Variants in GSTA2 observed in about 807,000 individuals in gnomAD.
GSTA2 encodes the protein glutathione S-transferase alpha 2.
A neutral mutation model predicts 22.4 loss-of-function variants in GSTA2; 27 were observed. The observed-to-expected ratio is 1.21, with a 90% CI of 0.89 to 1.67. The LOEUF (loss-of-function observed/expected upper bound fraction) is 1.67, where lower values mean the gene tolerates loss of function less well. Among genes scored for constraint, GSTA2 ranks in the 40% most tolerant of loss-of-function variants. The pLI is 0.00. For missense variants in GSTA2, 302 were observed against 260.2 expected, an observed-to-expected ratio of 1.16 and a Z score of -1.11; for synonymous variants, 121 against 86.8, an observed-to-expected ratio of 1.39 and a Z score of -2.19.
chr6:52,756,870 G>A (rs1243023611), intron 2 of GSTA2, among the ~76,000 whole-genome samples: 1 of 152,218 alleles, frequency 6.6e-6, no homozygotes, highest in African/African-American at 2.4e-5. Context: ...AGACACAATA[G>A]GGTAAAATTC....
At chr6:52,761,503 A>G (rs1762949458) in intron 1 of GSTA2, among the ~76,000 whole-genome samples, 1 of 151,002 alleles carries the variant, frequency 6.6e-6, no homozygotes, top group Non-Finnish European at 1.5e-5. Flanking sequence ...ATTTTATATG[A>G]ATCCAGACTT....
Position 52,751,611 on chromosome 6 carries a change from T to C in GSTA2, c.512A>G (p.Asp171Gly). The C allele has an allele frequency of 1.2e-6, 2 of 1,613,802 alleles. No individual in the cohort carries two copies. The highest frequency in any genetic ancestry group is 2.2e-5 in the South Asian group (2 of 91,066). The part of the protein sequence containing the change: ...VELLYYVEEL[D>G]SSLISSFPLL... ...AGGGAAGCTGGAAATAAGGCTAGAGTCAAGCTCTTCCACGTAGTAGAGAAG... is the reference window on the plus strand; with the variant it reads ...AGGGAAGCTGGAAATAAGGCTAGAGCCAAGCTCTTCCACGTAGTAGAGAAG... The change falls in exon 6 of 7, where the codon GAC becomes GGC. Residue 171 changes from aspartate (D) to glycine (G), a missense_variant. Transcript: ENST00000493422.
chr6:52,761,603 C>T lies in GSTA2; in HGVS notation c.-31+1841G>A, dbSNP rs191796831. ...GAGGTCAATGATATTCACTAATCAGCCCACCTGGATTAACAGGAAGTTTTC... is the reference window on the plus strand; with the variant it reads ...GAGGTCAATGATATTCACTAATCAGTCCACCTGGATTAACAGGAAGTTTTC... On this transcript the variant is annotated intron_variant, in intron 1 of 6. Transcript: ENST00000493422. 1.4e-3 allele frequency among the ~76,000 whole-genome samples: 204 copies of T among 150,580 alleles called. 1 individual carries two copies. Among genetic ancestry groups the T allele is most frequent in the Non-Finnish European group, 2.4e-3 (165 of 67,992 alleles).
chr6:52,751,953 A>G (rs1364520685), intron 5 of GSTA2, among the ~76,000 whole-genome samples: 2 of 152,194 alleles, frequency 1.3e-5, no homozygotes, highest in Non-Finnish European at 2.9e-5. Context: ...TGGCGTCTAC[A>G]CTACCCACCC....
intron 5 of GSTA2, 127 bp from the exon 6 acceptor site, chr6:52,751,835 C>T (rs72934249): frequency 0.056 from 75,363 of 1,338,322 alleles, 2,412 homozygotes; most frequent in African/African-American, 0.073. Flanking sequence ...GCAGAAATCC[C>T]GAGCTTTCTC....
intron 1 of GSTA2, among the ~76,000 whole-genome samples, 175 bp from the exon 2 acceptor site, chr6:52,758,152 G>A (rs1233839844): frequency 6.6e-6 from 1 of 152,108 alleles, no homozygotes. Context: ...CCCAGCAGTG[G>A]CCACCCTCAG....
intron 1 of GSTA2, among the ~76,000 whole-genome samples, chr6:52,762,471 A>C (rs777218398): frequency 2.0e-5 from 3 of 152,196 alleles, no homozygotes; most frequent in Admixed American, 6.5e-5. Context: ...ATGTTTATGT[A>C]TGTGCACATC....
chr6:52,761,694 G>C (rs1366559103), intron 1 of GSTA2, among the ~76,000 whole-genome samples: 2 of 150,496 alleles, frequency 1.3e-5, no homozygotes, highest in African/African-American at 4.8e-5. Context: ...AGGTCATGTA[G>C]TCCCATGGTT....
At chr6:52,751,196 C>T (rs1762729061) in intron 6 of GSTA2, among the ~76,000 whole-genome samples, 1 of 151,800 alleles carries the variant, frequency 6.6e-6, no homozygotes, top group Non-Finnish European at 1.5e-5. Flanking sequence ...GAGCCGGAGC[C>T]CAGGGAGGAA....
At chr6:52,751,489 C>G (rs1055140672) in intron 6 of GSTA2, 88 bp downstream of exon 6, 1 of 1,605,196 alleles carries the variant, frequency 6.2e-7, no homozygotes, top group Non-Finnish European at 8.5e-7. Context: ...AGGCTGGGGT[C>G]AAAACATGCT....
intron 4 of GSTA2, among the ~76,000 whole-genome samples, chr6:52,754,202 A>G (rs1165196397): frequency 6.6e-6 from 1 of 152,196 alleles, no homozygotes; most frequent in African/African-American, 2.4e-5. Context: ...TGTAAAATAT[A>G]TAGTGTGGAT....
At chr6:52,762,056 A>G (rs1762960296) in intron 1 of GSTA2, among the ~76,000 whole-genome samples, 1 of 152,172 alleles carries the variant, frequency 6.6e-6, no homozygotes, top group Admixed American at 6.6e-5. Context: ...AAATGCCTGA[A>G]GGCAGTATGC....
chr6:52,754,347 A>G (rs893285836), intron 4 of GSTA2, among the ~76,000 whole-genome samples: 9 of 152,206 alleles, frequency 5.9e-5, no homozygotes, highest in African/African-American at 9.6e-5. Flanking sequence ...CATCACAACA[A>G]CAAGGAGACC....
chr6:52,751,502 G>C, intron 6 of GSTA2, 75 bp downstream of exon 6: 1 of 1,607,928 alleles, frequency 6.2e-7, no homozygotes, highest in Admixed American at 1.7e-5. Flanking sequence ...AACATGCTCA[G>C]TCCCAGGGCC....
chr6:52,759,499 A>G (rs1188728272), intron 1 of GSTA2, among the ~76,000 whole-genome samples: 2 of 146,702 alleles, frequency 1.4e-5, no homozygotes, highest in Non-Finnish European at 3.0e-5. Context: ...CTTCTTGCAA[A>G]GTTTTGTGGT....
chr6:52,758,358 C>A (rs1323243280), intron 1 of GSTA2, among the ~76,000 whole-genome samples: 3 of 152,202 alleles, frequency 2.0e-5, no homozygotes, highest in African/African-American at 7.2e-5. Context: ...ATATCTTTAA[C>A]CCTCCTTATA....
At chr6:52,754,402 C>T (rs1221965318) in intron 4 of GSTA2, among the ~76,000 whole-genome samples, 5 of 152,208 alleles carry the variant, frequency 3.3e-5, no homozygotes, top group Non-Finnish European at 7.3e-5. Flanking sequence ...TTTCGGCCTT[C>T]TATCCATGTG....
chr6:52,759,116 G>T (rs1489407211), intron 1 of GSTA2, among the ~76,000 whole-genome samples: 1 of 152,280 alleles, frequency 6.6e-6, no homozygotes, highest in Middle Eastern at 3.4e-3. Context: ...GAAAAGAATA[G>T]AAAATATCAG....
chr6:52,759,185 G>A (rs1337337573), intron 1 of GSTA2, among the ~76,000 whole-genome samples: 2 of 152,158 alleles, frequency 1.3e-5, no homozygotes, highest in Non-Finnish European at 2.9e-5. Flanking sequence ...TCAGTTATTT[G>A]TATACTGTGT....
Sources: gnomAD v4.1 joint callset for allele counts (sites outside exome capture counted in the v4.1 genomes callset) on GRCh38, gnomAD v4.1.1 for gene constraint, MANE v1.5 for transcripts, NCBI Gene and HGNC (gene_info 2026-07-23, HGNC 2026-07-21) for gene names.